LINGO2: variants seen among roughly 807,000 people sequenced by gnomAD.
The protein encoded by LINGO2 is leucine rich repeat and Ig domain containing 2, also known as leucine-rich repeat and immunoglobulin-like domain-containing nogo receptor-interacting protein 2.
Under a neutral mutation model 30.6 loss-of-function variants are expected in LINGO2, and 14 were observed. The ratio of observed to expected loss-of-function variants is 0.46; its 90% CI spans 0.30 to 0.72. The LOEUF (loss-of-function observed/expected upper bound fraction) is 0.72, where lower values mean the gene tolerates loss of function less well. Among genes scored for constraint, LINGO2 ranks in the 30% least tolerant of loss-of-function variants. The pLI is 0.07. For synonymous variants in LINGO2, 317 were observed against 288.5 expected, an observed-to-expected ratio of 1.10 and a Z score of -1.00; for missense variants, 729 against 751.7, an observed-to-expected ratio of 0.97 and a Z score of 0.35.
At chr9:28,448,229 G>A (rs147857377) in intron 2 of LINGO2, among the ~76,000 whole-genome samples, 1 of 152,192 alleles carries the variant, frequency 6.6e-6, no homozygotes, top group Non-Finnish European at 1.5e-5. Flanking sequence ...CTACAAAATG[G>A]AGAATACTTT....
At chr9:28,663,307 A>C (rs996613640) in intron 1 of LINGO2, among the ~76,000 whole-genome samples, 1 of 151,990 alleles carries the variant, frequency 6.6e-6, no homozygotes. Context: ...AGTAGCTGGG[A>C]CTACAGGTGC....
intron 4 of LINGO2, among the ~76,000 whole-genome samples, chr9:28,201,469 A>C (rs1365730901): frequency 6.7e-6 from 1 of 148,514 alleles, no homozygotes; most frequent in Non-Finnish European, 1.5e-5. Flanking sequence ...TTCTTAATCC[A>C]GTCTATCATT....
chr9:29,031,445 G>C, the LINGO2 span, among the ~76,000 whole-genome samples: 1 of 151,902 alleles, frequency 6.6e-6, no homozygotes. Context: ...ACCATGCCTG[G>C]CTAATTTCTG....
At chr9:28,254,944 G>A (rs886131357) in intron 4 of LINGO2, among the ~76,000 whole-genome samples, 1 of 151,902 alleles carries the variant, frequency 6.6e-6, no homozygotes, top group Admixed American at 6.6e-5. Context: ...ATAGGCCCCA[G>A]TGTGTGTTGC....
At chr9:28,138,349 G>T (rs1827574538) in intron 4 of LINGO2, among the ~76,000 whole-genome samples, 1 of 152,152 alleles carries the variant, frequency 6.6e-6, no homozygotes, top group African/African-American at 2.4e-5. Context: ...TATAAAATGT[G>T]CTTTGTCTAC....
At chr9:28,182,846 T>C (rs1234148669) in intron 4 of LINGO2, among the ~76,000 whole-genome samples, 1 of 152,194 alleles carries the variant, frequency 6.6e-6, no homozygotes, top group Non-Finnish European at 1.5e-5. Context: ...TGAACACTTT[T>C]ACACTGTTGG....
intron 4 of LINGO2, among the ~76,000 whole-genome samples, chr9:28,133,233 A>G (rs965510411): frequency 1.3e-5 from 2 of 152,248 alleles, no homozygotes; most frequent in African/African-American, 4.8e-5. Flanking sequence ...TGACTATATT[A>G]TTAAATAAGT....
intron 5 of LINGO2, among the ~76,000 whole-genome samples, chr9:28,004,920 A>G (rs561260300): frequency 3.1e-4 from 47 of 152,298 alleles, no homozygotes; most frequent in African/African-American, 1.1e-3. Context: ...TTTTATCGAT[A>G]TGATTTTTAA....
At chr9:28,220,957 T>G (rs1229514848) in intron 4 of LINGO2, among the ~76,000 whole-genome samples, 1 of 152,186 alleles carries the variant, frequency 6.6e-6, no homozygotes, top group Non-Finnish European at 1.5e-5. Context: ...AGAGATCCAT[T>G]GTATAGCATG....
chr9:28,068,435 G>T (rs1825376818), intron 4 of LINGO2, among the ~76,000 whole-genome samples: 1 of 152,004 alleles, frequency 6.6e-6, no homozygotes, highest in South Asian at 2.1e-4. Flanking sequence ...TCATCATAAG[G>T]ACTCCATCTA....
chr9:28,718,020 T>C, the LINGO2 span, among the ~76,000 whole-genome samples: 15 of 151,886 alleles, frequency 9.9e-5, no homozygotes, highest in Non-Finnish European at 1.6e-4. Flanking sequence ...ATAGATTCCT[T>C]ATAAATCAAC....
rs186557158 is a variant in LINGO2, at chr9:28,149,253, G to T, written c.-86-136848C>A. On this transcript the variant is annotated intron_variant, in intron 4 of 5. Transcript: ENST00000379992. ...CGCCTGTAATCAAGCACTTTGGGAG[G>T]CCCAGGCGGGCGGATCAGGAGGTCA... is the stretch of plus-strand genomic sequence containing the variant. 2.1e-4 allele frequency: 153 copies of T among 715,220 alleles called. 1 individual carries two copies. Among genetic ancestry groups the T allele is most frequent in the Middle Eastern group, 1.6e-3 (4 of 2,494 alleles). The allele number at this position is 715,220 out of a possible 1,614,324, so 44.3% of individuals were successfully genotyped here. A position where few individuals can be genotyped will look rare whatever the true frequency, so the allele number is the denominator to read the frequency against.
intron 2 of LINGO2, among the ~76,000 whole-genome samples, chr9:28,429,716 A>G (rs1218332497): frequency 2.6e-5 from 4 of 152,278 alleles, no homozygotes. Flanking sequence ...CATCACCACT[A>G]AAGTACTTCC....
the LINGO2 span, among the ~76,000 whole-genome samples, chr9:28,928,929 G>A: frequency 1.3e-5 from 2 of 152,104 alleles, no homozygotes; most frequent in Non-Finnish European, 2.9e-5. Flanking sequence ...AGAGAAGACT[G>A]CAAAACGGAA....
the LINGO2 span, among the ~76,000 whole-genome samples, chr9:28,920,923 T>C: frequency 7.2e-5 from 11 of 152,128 alleles, no homozygotes; most frequent in African/African-American, 2.4e-4. Context: ...CATTATAAGA[T>C]GGTTATGAAG....
intron 5 of LINGO2, among the ~76,000 whole-genome samples, chr9:27,960,154 A>G (rs1819768487): frequency 6.6e-6 from 1 of 152,166 alleles, no homozygotes; most frequent in South Asian, 2.1e-4. Flanking sequence ...CAAGAGAACG[A>G]CAGGAACAAC....
the LINGO2 span, among the ~76,000 whole-genome samples, chr9:28,846,272 A>C: frequency 6.6e-6 from 1 of 151,638 alleles, no homozygotes; most frequent in African/African-American, 2.4e-5. Context: ...TTCCACTCAA[A>C]GGCCTCTTGC....
At chr9:28,574,460 T>C (rs943208701) in intron 1 of LINGO2, among the ~76,000 whole-genome samples, 1 of 152,194 alleles carries the variant, frequency 6.6e-6, no homozygotes, top group Admixed American at 6.5e-5. Context: ...GGTTGAGATC[T>C]AATGTTGTCT....
chr9:27,938,054 A>G, the LINGO2 span: 1 of 152,306 alleles, frequency 6.6e-6, no homozygotes, highest in South Asian at 2.1e-4. Context: ...TATCCATTCA[A>G]ACTCTTGTTT....
Sources: gnomAD v4.1 joint callset for allele counts (sites outside exome capture counted in the v4.1 genomes callset) on GRCh38, gnomAD v4.1.1 for gene constraint, MANE v1.5 for transcripts, NCBI Gene and HGNC (gene_info 2026-07-23, HGNC 2026-07-21) for gene names.